Variants in SUFU observed in about 807,000 individuals in gnomAD.
The protein encoded by SUFU is SUFU negative regulator of hedgehog signaling.
In SUFU, 7 loss-of-function variants were observed where a neutral mutation model predicts 58.9. That is an observed-to-expected ratio of 0.12 (90% CI 0.07 to 0.22). The LOEUF is 0.22. SUFU is among the 10% of genes least tolerant of loss of function. The pLI, the probability that SUFU is intolerant of heterozygous loss-of-function variation, is 1.00. For synonymous variants in SUFU, 232 were observed against 254.8 expected (o/e 0.91, Z 0.85); for missense variants, 451 against 641.3 (o/e 0.70, Z 3.20).
rs924600317 is a variant in SUFU, at chr10:102,619,363, T to A, written c.1296+1935T>A. 7.1e-7 allele frequency: 1 copy of A among 1,413,798 alleles called. No homozygotes were observed. The highest frequency in any genetic ancestry group is 9.2e-7 in the Non-Finnish European group (1 of 1,085,768). 87.6% of individuals were successfully genotyped at this position (1,413,798 alleles called of 1,614,324 possible). A position where few individuals can be genotyped will look rare whatever the true frequency, so the allele number is the denominator to read the frequency against. On this transcript the variant is annotated intron_variant, in intron 10 of 11. Transcript: ENST00000369902. This position sits in a 1 kb window ranked among gnomAD's most constrained non-coding sequence, Gnocchi z 4.2. ...CACCCGCTGGCTCCCCAGCACATGG[T>A]CCCCTCCCATGGGCTGTTGCCCAGG...
chr10:102,596,178 G>A (rs1014643315), intron 6 of SUFU, among the ~76,000 whole-genome samples: 9 of 152,186 alleles, frequency 5.9e-5, no homozygotes, highest in Admixed American at 4.6e-4. Context: ...AGGAAATAAG[G>A]ACAGTACCTG....
At chr10:102,505,655 G>T (rs1164121246) in intron 1 of SUFU, among the ~76,000 whole-genome samples, 1 of 152,184 alleles carries the variant, frequency 6.6e-6, no homozygotes, top group Admixed American at 6.5e-5. Context: ...CCAACAGCGT[G>T]GAGAGCCTGG....
intron 11 of SUFU, among the ~76,000 whole-genome samples, chr10:102,627,643 C>T (rs539092432): frequency 2.4e-4 from 37 of 152,332 alleles, no homozygotes; most frequent in East Asian, 5.8e-4. Flanking sequence ...GAGAACATTC[C>T]GCTGGGGAGT....
At chr10:102,622,597 C>A (rs2063749035) in intron 10 of SUFU, among the ~76,000 whole-genome samples, 1 of 152,064 alleles carries the variant, frequency 6.6e-6, no homozygotes, top group Non-Finnish European at 1.5e-5. Flanking sequence ...AAAAAATTAG[C>A]CGGGCATGGC....
At chr10:102,518,118 C>A (rs2062495300) in intron 2 of SUFU, among the ~76,000 whole-genome samples, 1 of 152,152 alleles carries the variant, frequency 6.6e-6, no homozygotes. Flanking sequence ...ATTATTATTA[C>A]AAACAATTAT....
At chr10:102,568,891 AAAAAAAAT>A (rs1564685422) in intron 3 of SUFU, among the ~76,000 whole-genome samples, 1 of 40,066 alleles carries the variant, frequency 2.5e-5, no homozygotes, top group African/African-American at 1.3e-4. Flanking sequence ...AAAAAAAAAA[AAAAAAAAT>A]ATATATATAT....
At chr10:102,597,056 T>C in intron 6 of SUFU, 84 bp from the exon 7 acceptor site, 2 of 1,517,470 alleles carry the variant, frequency 1.3e-6, no homozygotes, top group Non-Finnish European at 1.8e-6. Flanking sequence ...CAGTAAATAC[T>C]GTAAGAGCAG....
Position 102,504,061 on chromosome 10 carries a change from G to T in SUFU, c.-92G>T. 6.9e-7 allele frequency: 1 copy of T among 1,454,780 alleles called. No homozygotes were observed. The highest frequency in any genetic ancestry group is 9.0e-7 in the Non-Finnish European group (1 of 1,105,960). The allele number at this position is 1,454,780 out of a possible 1,614,324, so 90.1% of individuals were successfully genotyped here. A position where few individuals can be genotyped will look rare whatever the true frequency, so the allele number is the denominator to read the frequency against. On this transcript the variant is annotated 5_prime_UTR_variant, in exon 1 of 12. Coordinates refer to ENST00000369902, the MANE Select transcript of SUFU (RefSeq NM_016169.4). ...GCTGCAGCCCCCATCGCCTCGGGGA[G>T]TCTCACCCACCGAGTCCGCCCGCTG...
intron 8 of SUFU, among the ~76,000 whole-genome samples, chr10:102,605,120 T>C (rs1404119275): frequency 1.3e-5 from 2 of 151,982 alleles, no homozygotes; most frequent in Non-Finnish European, 2.9e-5. Flanking sequence ...GTTTTCACCA[T>C]GTTGGTCAGG....
intron 2 of SUFU, among the ~76,000 whole-genome samples, chr10:102,521,288 T>A (rs1227743724): frequency 1.3e-5 from 2 of 152,206 alleles, no homozygotes; most frequent in African/African-American, 4.8e-5. Flanking sequence ...ATATCTTTGT[T>A]TTTCTTCCTA....
intron 3 of SUFU, among the ~76,000 whole-genome samples, chr10:102,565,646 G>T (rs531716844): frequency 5.9e-5 from 9 of 152,256 alleles, no homozygotes; most frequent in Admixed American, 5.2e-4. Context: ...CCAGGTTCAC[G>T]GCATTCTCCT....
intron 1 of SUFU, among the ~76,000 whole-genome samples, chr10:102,508,508 T>C (rs1424526978): frequency 6.6e-6 from 1 of 152,186 alleles, no homozygotes; most frequent in Non-Finnish European, 1.5e-5. Context: ...GGGCGCAGTT[T>C]GACTCCTTCT....
intron 8 of SUFU, among the ~76,000 whole-genome samples, chr10:102,605,100 G>A (rs1034309646): frequency 2.6e-5 from 4 of 151,794 alleles, no homozygotes; most frequent in African/African-American, 4.8e-5. Flanking sequence ...TGTATTTTTA[G>A]TACAGATGGG....
intron 2 of SUFU, among the ~76,000 whole-genome samples, chr10:102,535,484 C>CAA (rs11389840): frequency 0.014 from 1,594 of 113,590 alleles, 27 homozygotes; most frequent in East Asian, 0.019. Context: ...GACTCCGTCT[C>CAA]AAAAAAAAAA....
intron 2 of SUFU, among the ~76,000 whole-genome samples, chr10:102,525,617 C>T (rs1278169415): frequency 1.3e-5 from 2 of 152,150 alleles, no homozygotes; most frequent in Non-Finnish European, 2.9e-5. Flanking sequence ...ATTCTCCTGC[C>T]TCAGTCTCCT....
rs966026253 is a variant in SUFU, at chr10:102,579,925, T to G, written c.455-12657T>G. Reference sequence around the variant, plus strand: ...CCAAGTTGGGAAACTCTACAACTGGTCACCATCTGCGCCATTTGACCAGCT... The same window carrying G: ...CCAAGTTGGGAAACTCTACAACTGGGCACCATCTGCGCCATTTGACCAGCT... On this transcript the variant is annotated intron_variant, in intron 3 of 11. Coordinates refer to ENST00000369902, the MANE Select transcript of SUFU (RefSeq NM_016169.4). 7.6e-6 allele frequency: 7 copies of G among 917,540 alleles called. No homozygotes were observed. In the African/African-American group the frequency reaches 1.1e-4, roughly 14 times the overall value. 56.8% of individuals were successfully genotyped at this position (917,540 alleles called of 1,614,324 possible). A position where few individuals can be genotyped will look rare whatever the true frequency, so the allele number is the denominator to read the frequency against.
intron 8 of SUFU, among the ~76,000 whole-genome samples, chr10:102,602,620 G>A (rs2063524809): frequency 6.6e-6 from 1 of 152,200 alleles, no homozygotes; most frequent in Non-Finnish European, 1.5e-5. Context: ...TTCTTCATGT[G>A]CAGAAACTAA....
intron 9 of SUFU, among the ~76,000 whole-genome samples, chr10:102,615,643 C>A (rs1171802788): frequency 6.6e-6 from 1 of 152,194 alleles, no homozygotes; most frequent in Non-Finnish European, 1.5e-5. Flanking sequence ...CACATGGGGC[C>A]TGTTTAGGAG....
At chr10:102,507,961 A>ATTTT (rs3061832) in intron 1 of SUFU, among the ~76,000 whole-genome samples, 2 of 116,578 alleles carry the variant, frequency 1.7e-5, no homozygotes, top group Non-Finnish European at 3.5e-5. Context: ...TTTCTTATCC[A>ATTTT]TTTTTTTTTT....
Sources: allele counts gnomAD v4.1 joint callset (sites outside exome capture counted in the v4.1 genomes callset), GRCh38; gene constraint gnomAD v4.1.1; non-coding constraint Gnocchi (gnomAD v3.1); transcripts MANE v1.5; gene names NCBI Gene and HGNC (gene_info 2026-07-23, HGNC 2026-07-21).